LUZP2: variants seen among roughly 807,000 people sequenced by gnomAD.
The protein encoded by LUZP2 is leucine zipper protein 2.
A neutral mutation model predicts 51.6 loss-of-function variants in LUZP2; 52 were observed. The observed-to-expected ratio is 1.01, with a 90% CI of 0.81 to 1.27. The LOEUF (loss-of-function observed/expected upper bound fraction) is 1.27, where lower values mean the gene tolerates loss of function less well. LUZP2 is among the 50% of genes most tolerant of loss of function. LUZP2 has a pLI of 0.00. For synonymous variants in LUZP2, 154 were observed against 137.3 expected (o/e 1.12, Z -0.85); for missense variants, 436 against 395.4 (o/e 1.10, Z -0.87).
chr11:24,974,387 A>G (rs1305576363), intron 7 of LUZP2, among the ~76,000 whole-genome samples: 1 of 151,954 alleles, frequency 6.6e-6, no homozygotes, highest in African/African-American at 2.4e-5. Context: ...CTCTTTATCA[A>G]CGTTGCCATT....
chr11:24,922,593 G>T (rs1854092714), intron 7 of LUZP2, among the ~76,000 whole-genome samples: 1 of 152,068 alleles, frequency 6.6e-6, no homozygotes, highest in African/African-American at 2.4e-5. Context: ...ATGAGGTTTG[G>T]TGCCAAAATG....
chr11:25,024,059 T>G (rs1319589395), intron 9 of LUZP2, among the ~76,000 whole-genome samples: 2 of 152,166 alleles, frequency 1.3e-5, no homozygotes, highest in Non-Finnish European at 1.5e-5. Flanking sequence ...TCCAACTATG[T>G]GGTCAGTTTT....
At chr11:24,983,505 G>T (rs1479799163) in intron 9 of LUZP2, among the ~76,000 whole-genome samples, 2 of 151,694 alleles carry the variant, frequency 1.3e-5, no homozygotes, top group Non-Finnish European at 2.9e-5. Flanking sequence ...AGAGAGCCTA[G>T]CTGATTCTTA....
chr11:24,661,786 G>A (rs1856030477), intron 1 of LUZP2, among the ~76,000 whole-genome samples: 1 of 152,002 alleles, frequency 6.6e-6, no homozygotes, highest in South Asian at 2.1e-4. Flanking sequence ...TAGGTAGAGG[G>A]CATTTGCAGA....
intron 10 of LUZP2, among the ~76,000 whole-genome samples, chr11:25,058,295 C>T (rs767639836): frequency 3.2e-4 from 49 of 151,954 alleles, no homozygotes; most frequent in Non-Finnish European, 5.9e-4. Flanking sequence ...ACTTAACCAT[C>T]CAAACATGTT....
chr11:24,648,874 C>T (rs536490940), intron 1 of LUZP2, among the ~76,000 whole-genome samples: 4 of 152,018 alleles, frequency 2.6e-5, no homozygotes, highest in African/African-American at 7.2e-5. Flanking sequence ...TGGCAAAACC[C>T]GCAATTACTT....
intron 1 of LUZP2, among the ~76,000 whole-genome samples, chr11:24,693,982 C>T (rs754993415): frequency 3.3e-5 from 5 of 151,870 alleles, no homozygotes; most frequent in Non-Finnish European, 5.9e-5. Flanking sequence ...AAAAGAGATG[C>T]TTTCATACAT....
At chr11:24,539,955 G>C (rs1013301397) in intron 1 of LUZP2, among the ~76,000 whole-genome samples, 5 of 151,802 alleles carry the variant, frequency 3.3e-5, no homozygotes, top group African/African-American at 1.2e-4. Context: ...TGATATGTAT[G>C]TATACATGTG....
At chr11:24,518,174 TTTAA>T (rs1850537784) in intron 1 of LUZP2, among the ~76,000 whole-genome samples, 1 of 152,082 alleles carries the variant, frequency 6.6e-6, no homozygotes, top group Non-Finnish European at 1.5e-5. Flanking sequence ...TATGACCTCA[TTTAA>T]TTAAGTTAGA....
At chr11:25,032,468 T>G (rs527300030) in intron 9 of LUZP2, among the ~76,000 whole-genome samples, 90 of 152,302 alleles carry the variant, frequency 5.9e-4, no homozygotes, top group Non-Finnish European at 1.1e-3. Flanking sequence ...ATTATTGACA[T>G]GAAGATATAA....
intron 6 of LUZP2, among the ~76,000 whole-genome samples, chr11:24,906,561 A>T (rs1438865368): frequency 2.0e-5 from 3 of 152,114 alleles, no homozygotes; most frequent in African/African-American, 7.2e-5. Flanking sequence ...CTTAACATAG[A>T]TTTAACTAAA....
intron 5 of LUZP2, among the ~76,000 whole-genome samples, chr11:24,778,754 T>C (rs1011486587): frequency 2.0e-5 from 3 of 152,202 alleles, no homozygotes; most frequent in African/African-American, 7.2e-5. Context: ...ATTTGCTGCA[T>C]CATCTGGGAA....
chr11:24,933,687 G>A (rs1854518452), intron 7 of LUZP2, among the ~76,000 whole-genome samples: 1 of 152,102 alleles, frequency 6.6e-6, no homozygotes. Flanking sequence ...AAATGTTTCA[G>A]ATACTATTTA....
intron 5 of LUZP2, among the ~76,000 whole-genome samples, chr11:24,777,181 T>G (rs1258958878): frequency 6.6e-6 from 1 of 151,804 alleles, no homozygotes; most frequent in Non-Finnish European, 1.5e-5. Flanking sequence ...TTTTAGTAGA[T>G]TCGGGGTTTC....
intron 5 of LUZP2, among the ~76,000 whole-genome samples, chr11:24,865,413 T>A (rs1322250558): frequency 6.6e-6 from 1 of 152,224 alleles, no homozygotes; most frequent in South Asian, 2.1e-4. Context: ...CCTGGTTAAT[T>A]TGCCTATGGC....
chr11:24,873,014 A>G (rs76856211), intron 5 of LUZP2, among the ~76,000 whole-genome samples: 118 of 152,304 alleles, frequency 7.7e-4, no homozygotes, highest in Non-Finnish European at 7.8e-4. Flanking sequence ...AAACACTATT[A>G]GAAAAAAATT....
At chr11:24,683,507 G>A (rs1332616340) in intron 1 of LUZP2, among the ~76,000 whole-genome samples, 1 of 152,090 alleles carries the variant, frequency 6.6e-6, no homozygotes. Flanking sequence ...ATTTTAAGAT[G>A]TCATTAATAT....
chr11:24,683,427 ACT>A (rs1856807032), intron 1 of LUZP2, among the ~76,000 whole-genome samples: 1 of 152,184 alleles, frequency 6.6e-6, no homozygotes. Context: ...CTGACAATTT[ACT>A]GAAAACATGT....
At position 25,082,578 on chromosome 11, in the gene LUZP2, A is replaced by G. The variant is rs1859482928; in HGVS notation, c.*3920A>G. 6.6e-6 allele frequency: 1 copy of G among 152,202 alleles called. No homozygotes were observed. Among genetic ancestry groups the G allele is most frequent in the African/African-American group, 2.4e-5 (1 of 41,456 alleles). The allele number at this position is 152,202 out of a possible 1,614,324, so 9.4% of individuals were successfully genotyped here. ...TGTGTTATATAATAACAGTCGAATG[A>G]TGAAGAATAAAAGATGCTGAAAGAT... is the stretch of plus-strand genomic sequence containing the variant. On this transcript the variant is annotated 3_prime_UTR_variant, in exon 12 of 12. Coordinates refer to ENST00000336930, the MANE Select transcript of LUZP2 (RefSeq NM_001009909.4).
Sources: allele counts gnomAD v4.1 joint callset (sites outside exome capture counted in the v4.1 genomes callset), GRCh38; gene constraint gnomAD v4.1.1; transcripts MANE v1.5; gene names NCBI Gene and HGNC (gene_info 2026-07-23, HGNC 2026-07-21).